The following SNX25 variants were observed in gnomAD, a reference collection of about 807,000 sequenced individuals.
SNX25 encodes sorting nexin 25.
SNX25 carries 62 observed loss-of-function variants against 113.7 expected under a neutral mutation model. The observed-to-expected ratio is 0.55, with a 90% CI of 0.44 to 0.67. SNX25 has a LOEUF of 0.67. Ranked by LOEUF, SNX25 falls within the 30% of genes least tolerant of loss-of-function variation. The pLI, the probability that SNX25 is intolerant of heterozygous loss-of-function variation, is 0.00. For missense variants in SNX25, 1,014 were observed against 1,161.0 expected (o/e 0.87, Z 1.84); for synonymous variants, 421 against 436.2 (o/e 0.97, Z 0.43).
chr4:185,285,971 T>C (rs1751298191), intron 5 of SNX25, among the ~76,000 whole-genome samples: 1 of 151,194 alleles, frequency 6.6e-6, no homozygotes, highest in Non-Finnish European at 1.5e-5. Context: ...AGAGACAGGG[T>C]CTCCCTTTGT....
chr4:185,237,595 C>T (rs533130631), intron 1 of SNX25, among the ~76,000 whole-genome samples: 15 of 151,980 alleles, frequency 9.9e-5, no homozygotes, highest in Admixed American at 7.2e-4. Context: ...GTCTGGTGGG[C>T]GCTCTAAGAG....
chr4:185,356,388 T>C (rs538141902), intron 15 of SNX25, among the ~76,000 whole-genome samples: 11 of 152,260 alleles, frequency 7.2e-5, no homozygotes, highest in African/African-American at 9.6e-5. Context: ...GCCACCTCTT[T>C]CCTGCCCTAG....
intron 1 of SNX25, among the ~76,000 whole-genome samples, chr4:185,235,911 C>G (rs949517399): frequency 4.6e-5 from 7 of 151,912 alleles, no homozygotes; most frequent in African/African-American, 1.5e-4. Context: ...GGCTAGGGGC[C>G]GAAGAGAGAG....
chr4:185,210,915 T>C lies in SNX25; in HGVS notation c.429+660T>C, dbSNP rs1328697571. ...ACACTAGGGCGGGGGTTAGGGAATG[T>C]AGGAAAGAACAGTGTTTTAAATGAG... On this transcript the variant is annotated intron_variant, in intron 1 of 18. Transcript: ENST00000652585. This position sits in a 1 kb window ranked among gnomAD's most constrained non-coding sequence, Gnocchi z 4.4. Among the ~76,000 whole-genome samples, 1 of 152,114 alleles carries C rather than the reference T, an allele frequency of 6.6e-6. No individual in the cohort carries two copies. Among genetic ancestry groups the C allele is most frequent in the Non-Finnish European group, 1.5e-5 (1 of 68,020 alleles).
chr4:185,244,854 A>G (rs558305892), intron 1 of SNX25, among the ~76,000 whole-genome samples: 78 of 152,268 alleles, frequency 5.1e-4, no homozygotes, highest in Non-Finnish European at 7.2e-4. Flanking sequence ...TAAGGTCACC[A>G]GGAGACTTTT....
At chr4:185,204,825 A>G (rs1198760079), upstream of SNX25, among the ~76,000 whole-genome samples, 1 of 152,238 alleles carries the variant, frequency 6.6e-6, no homozygotes, top group African/African-American at 2.4e-5. Flanking sequence ...AGAAGCTGCA[A>G]AAGGAGGAAA....
intron 6 of SNX25, among the ~76,000 whole-genome samples, chr4:185,289,331 G>A (rs1278916774): frequency 1.3e-5 from 2 of 152,178 alleles, no homozygotes; most frequent in Admixed American, 1.3e-4. Flanking sequence ...GTTGTGATGC[G>A]GGGAGCCCTG....
chr4:185,360,930 A>ATATATATATATATATATATAT (rs1491260048), intron 16 of SNX25, among the ~76,000 whole-genome samples: 2 of 139,626 alleles, frequency 1.4e-5, no homozygotes, highest in Admixed American at 7.0e-5. Context: ...AAAAAAAAAT[A>ATATATATATATATATATATAT]ATATATATAT....
At chr4:185,246,879 A>G (rs1744933853) in intron 1 of SNX25, among the ~76,000 whole-genome samples, 1 of 152,212 alleles carries the variant, frequency 6.6e-6, no homozygotes, top group African/African-American at 2.4e-5. Flanking sequence ...ATTTATATAC[A>G]GAATGTAAGA....
intron 5 of SNX25, 77 bp downstream of exon 5, chr4:185,267,232 AAGT>A: frequency 1.5e-6 from 2 of 1,352,558 alleles, no homozygotes; most frequent in South Asian, 1.3e-5. Flanking sequence ...AAAAAAAAAA[AAGT>A]AGTTGTCAGG....
At chr4:185,287,817 C>T (rs1221184494) in intron 5 of SNX25, among the ~76,000 whole-genome samples, 195 bp from the exon 6 acceptor site, 1 of 122,158 alleles carries the variant, frequency 8.2e-6, no homozygotes, top group East Asian at 2.7e-4. Context: ...GTGAGGGCCT[C>T]AGAATGACTA....
chr4:185,210,367 G>A lies in SNX25; in HGVS notation c.429+112G>A. The stretch of plus-strand genomic sequence containing the variant: ...CGGCATGCCCTTGTCGAAGCGGGAA[G>A]CCGGGAGCCAGGGGGCTGGGCTGCG... On this transcript the variant is annotated intron_variant, in intron 1 of 18. Coordinates refer to ENST00000652585, the MANE Select transcript of SNX25 (RefSeq NM_001378034.2). The surrounding 1 kb of genome is among the most constrained non-coding windows in gnomAD (Gnocchi z 4.4). The A allele has an allele frequency of 1.0e-6, 1 of 978,346 alleles. No individual in the cohort carries two copies. The highest frequency in any genetic ancestry group is 1.2e-6 in the Non-Finnish European group (1 of 825,410). The allele number at this position is 978,346 out of a possible 1,614,324, so 60.6% of individuals were successfully genotyped here. A position where few individuals can be genotyped will look rare whatever the true frequency, so the allele number is the denominator to read the frequency against.
chr4:185,376,443 C>CCTT, the SNX25 span, among the ~76,000 whole-genome samples: 1 of 105,824 alleles, frequency 9.4e-6, no homozygotes, highest in African/African-American at 3.9e-5. Context: ...TGCCCAGCTA[C>CCTT]TTTTTTTTTT....
intron 12 of SNX25, among the ~76,000 whole-genome samples, chr4:185,344,952 T>C (rs2095278327): frequency 6.6e-6 from 1 of 152,162 alleles, no homozygotes; most frequent in African/African-American, 2.4e-5. Flanking sequence ...CCCAGAGTTG[T>C]TGAGTAAAAT....
Position 185,215,198 on chromosome 4 carries a change from C to T in SNX25, c.429+4943C>T, listed in dbSNP as rs189423060. On this transcript the variant is annotated intron_variant, in intron 1 of 18. Transcript: ENST00000652585. ...GAGCCGAGATCGTGCCACTGCACTCCAGCCTGGGCGACAGAGCGAGACTCC... is the reference window on the plus strand; with the variant it reads ...GAGCCGAGATCGTGCCACTGCACTCTAGCCTGGGCGACAGAGCGAGACTCC... Among the ~76,000 whole-genome samples the T allele has an allele frequency of 2.8e-3, 428 of 151,990 alleles. 15 individuals are homozygous for T. The South Asian group carries it at 0.056, about 20-fold the overall frequency.
the SNX25 span, chr4:185,377,480 T>C: frequency 1.2e-5 from 2 of 171,606 alleles, no homozygotes; most frequent in Non-Finnish European, 2.5e-5. Flanking sequence ...ATTGCATCAC[T>C]GCACTCAAGC....
At chr4:185,229,518 G>C (rs1463099158) in intron 1 of SNX25, among the ~76,000 whole-genome samples, 1 of 152,190 alleles carries the variant, frequency 6.6e-6, no homozygotes, top group East Asian at 1.9e-4. Context: ...AAGGAAGATT[G>C]CATTATCCAT....
At chr4:185,294,207 A>G (rs1015318559) in intron 6 of SNX25, among the ~76,000 whole-genome samples, 37 of 152,120 alleles carry the variant, frequency 2.4e-4, no homozygotes, top group African/African-American at 8.9e-4. Context: ...AGCTCAAAAC[A>G]CTTTGCTCAG....
intron 1 of SNX25, among the ~76,000 whole-genome samples, chr4:185,233,251 C>T (rs3108276): frequency 0.028 from 4,293 of 151,610 alleles, 201 homozygotes; most frequent in African/African-American, 0.095. Context: ...CACCACTGCA[C>T]TCCAGCCTGG....
Sources: allele counts gnomAD v4.1 joint callset (sites outside exome capture counted in the v4.1 genomes callset), GRCh38; gene constraint gnomAD v4.1.1; non-coding constraint Gnocchi (gnomAD v3.1); transcripts MANE v1.5; gene names NCBI Gene and HGNC (gene_info 2026-07-23, HGNC 2026-07-21).